Variants in GLDC observed in about 807,000 individuals in gnomAD.
GLDC encodes the protein glycine decarboxylase, also known as glycine dehydrogenase (decarboxylating), mitochondrial.
GLDC carries 104 observed loss-of-function variants against 121.3 expected under a neutral mutation model. The ratio of observed to expected loss-of-function variants is 0.86; its 90% CI spans 0.73 to 1.01. The LOEUF (loss-of-function observed/expected upper bound fraction) is 1.01. Ranked by LOEUF, GLDC falls within the 50% of genes least tolerant of loss-of-function variation. The pLI is 0.00. For missense variants in GLDC, 1,429 were observed against 1,306.6 expected (o/e 1.09, Z -1.44); for synonymous variants, 546 against 480.6 (o/e 1.14, Z -1.78).
At chr9:6,602,943 A>G (rs1337149082) in intron 7 of GLDC, among the ~76,000 whole-genome samples, 1 of 152,170 alleles carries the variant, frequency 6.6e-6, no homozygotes, top group Non-Finnish European at 1.5e-5. Context: ...CACAAATTTT[A>G]TGAGCCGCGC....
chr9:6,621,684 A>G (rs10758800), intron 2 of GLDC, among the ~76,000 whole-genome samples: 35,368 of 151,946 alleles, frequency 0.23, 4,219 homozygotes, highest in East Asian at 0.43. Flanking sequence ...CACCTGGCTA[A>G]TTTTTGTATT....
intron 21 of GLDC, among the ~76,000 whole-genome samples, chr9:6,547,546 GA>G (rs1817421427): frequency 1.3e-5 from 2 of 151,998 alleles, no homozygotes; most frequent in South Asian, 4.1e-4. Context: ...AAGTCTCTGG[GA>G]AAAAAATTGA....
At chr9:6,582,162 C>A (rs1818182080) in intron 15 of GLDC, among the ~76,000 whole-genome samples, 1 of 142,452 alleles carries the variant, frequency 7.0e-6, no homozygotes, top group East Asian at 2.1e-4. Flanking sequence ...TTGCAGTGAG[C>A]CAAGATTGCT....
Position 6,534,752 on chromosome 9 carries a change from G to C in GLDC, c.2875C>G (p.His959Asp). 1 of 1,607,866 alleles carries C rather than the reference G, an allele frequency of 6.2e-7. No individual in the cohort carries two copies. The highest frequency in any genetic ancestry group is 1.3e-5 in the African/African-American group (1 of 74,918). The part of the protein sequence containing the change: ...PHSLTCVTSS[H>D]WDRPYSREVA... ...TCTCTGGAATAAGGCCGGTCCCAGTGGGAAGATGTAACGCAGGTCAGGGAG... is the reference window on the plus strand; with the variant it reads ...TCTCTGGAATAAGGCCGGTCCCAGTCGGAAGATGTAACGCAGGTCAGGGAG... Residue 959 changes from histidine to aspartate, a missense_variant, in exon 24 of 25, where the codon CAC becomes GAC. His to Asp is a moderately conservative substitution (Grantham distance 81, BLOSUM62 -1). Coordinates refer to ENST00000321612, the MANE Select transcript of GLDC (RefSeq NM_000170.3).
intron 3 of GLDC, among the ~76,000 whole-genome samples, chr9:6,619,742 C>G (rs960903897): frequency 6.6e-5 from 10 of 151,964 alleles, no homozygotes; most frequent in African/African-American, 2.4e-4. Context: ...GGGTGGTAGG[C>G]GGGGAATCCT....
chr9:6,571,929 T>C (rs554585012), intron 15 of GLDC, among the ~76,000 whole-genome samples: 2 of 152,186 alleles, frequency 1.3e-5, no homozygotes, highest in Non-Finnish European at 2.9e-5. Context: ...TTTGACAAAG[T>C]TGCAAAAGTA....
rs1421593264 is a variant in GLDC, at chr9:6,558,553, A to G, written c.2052+6T>C. On this transcript the variant is annotated splice_donor_region_variant and intron_variant, in intron 17 of 24. Transcript: ENST00000321612. ...CTCTCCCATCTGCTAAGGAGAAGACAAGTACCATGGCCTTGAGGTGAACTG... is the reference window on the plus strand; with the variant it reads ...CTCTCCCATCTGCTAAGGAGAAGACGAGTACCATGGCCTTGAGGTGAACTG... 5 of 1,614,140 alleles carry G rather than the reference A, an allele frequency of 3.1e-6. No homozygotes were observed. Among genetic ancestry groups the G allele is most frequent in the Non-Finnish European group, 4.2e-6 (5 of 1,180,010 alleles).
chr9:6,587,351 AATAATG>A, intron 14 of GLDC, 68 bp from the exon 15 acceptor site: 1 of 1,176,176 alleles, frequency 8.5e-7, no homozygotes, highest in Admixed American at 1.7e-5. Flanking sequence ...TAACTTTAAT[AATAATG>A]ACGATGATGA....
At chr9:6,537,383 C>A (rs1415545765) in intron 22 of GLDC, among the ~76,000 whole-genome samples, 1 of 152,188 alleles carries the variant, frequency 6.6e-6, no homozygotes, top group Non-Finnish European at 1.5e-5. Context: ...AATCTTGCCC[C>A]AATGTGCAGT....
chr9:6,587,082 T>A (rs1818285877), intron 15 of GLDC, 59 bp downstream of exon 15: 1 of 1,398,250 alleles, frequency 7.2e-7, no homozygotes, highest in Admixed American at 1.7e-5. Flanking sequence ...CTTTAAGTTT[T>A]GTGGTGTATG....
rs386833526 is a variant in GLDC, at chr9:6,592,180, T to TC, written c.1444dup (p.Asp482GlyfsTer10). 5.0e-6 allele frequency: 8 copies of TC among 1,608,878 alleles called. No individual in the cohort carries two copies. Among genetic ancestry groups the TC allele is most frequent in the Non-Finnish European group, 6.8e-6 (8 of 1,175,418 alleles). ...ACAACCAAAGATCCACAACAAATCG[T>TC]CCAGATCTTTTTCATTGACTGTTTC... is the stretch of plus-strand genomic sequence containing the variant. On this transcript the variant is annotated frameshift_variant, in exon 11 of 25. Coordinates refer to ENST00000321612, the MANE Select transcript of GLDC (RefSeq NM_000170.3). LOFTEE classifies it high-confidence loss of function.
intron 3 of GLDC, among the ~76,000 whole-genome samples, chr9:6,613,512 T>C (rs968481451): frequency 1.3e-5 from 2 of 152,170 alleles, no homozygotes; most frequent in Non-Finnish European, 1.5e-5. Flanking sequence ...TTAACATTAT[T>C]CCATGAACAA....
Position 6,644,045 on chromosome 9 carries a change from A to C in GLDC, c.334+569T>G, listed in dbSNP as rs1430849803. On this transcript the variant is annotated intron_variant, in intron 2 of 24. Transcript: ENST00000321612. ...ATTCTGTCTCAAAAAAAAAAAAAAA[A>C]AAAAACGAAAAAAAAAAGAAAAGAA... Among the ~76,000 whole-genome samples, 43 of 148,720 alleles carry C rather than the reference A, an allele frequency of 2.9e-4. 1 individual carries two copies. Among genetic ancestry groups the C allele is most frequent in the Non-Finnish European group, 4.0e-4 (27 of 67,414 alleles).
intron 20 of GLDC, among the ~76,000 whole-genome samples, chr9:6,552,372 C>T (rs1301898939): frequency 2.0e-5 from 3 of 152,156 alleles, no homozygotes; most frequent in Non-Finnish European, 2.9e-5. Flanking sequence ...ATTTACAGAA[C>T]CCAGAGATCA....
intron 22 of GLDC, 125 bp downstream of exon 22, chr9:6,539,926 A>C (rs1817219733): frequency 1.3e-6 from 1 of 756,014 alleles, no homozygotes; most frequent in Admixed American, 2.0e-5. Context: ...GAGGTTGCCA[A>C]GAACCCTGAG....
In GLDC at chr9:6,600,945, T is replaced by A. The variant is rs958568464; in HGVS notation, c.1155+1164A>T. 1.8e-4 allele frequency among the ~76,000 whole-genome samples: 27 copies of A among 152,106 alleles called. 1 individual carries two copies. Among genetic ancestry groups the A allele is most frequent in the African/African-American group, 6.5e-4 (27 of 41,504 alleles). On this transcript the variant is annotated intron_variant, in intron 8 of 24. Coordinates refer to ENST00000321612, the MANE Select transcript of GLDC (RefSeq NM_000170.3). ...ATCCCAACACTTTGGGAGGCCGAGG[T>A]GGGTGGATCATGAGGTCAGGAGTTC...
At chr9:6,591,594 C>CT (rs1818375548) in intron 11 of GLDC, among the ~76,000 whole-genome samples, 1 of 151,878 alleles carries the variant, frequency 6.6e-6, no homozygotes, top group Admixed American at 6.6e-5. Flanking sequence ...TTTCTTTTTT[C>CT]TTTTTTTGAG....
At chr9:6,602,258 A>G (rs1818630410) in intron 7 of GLDC, 53 bp from the exon 8 acceptor site, 1 of 1,044,416 alleles carries the variant, frequency 9.6e-7, no homozygotes. Context: ...GCACTGGGAG[A>G]TGCTATAAAT....
intron 15 of GLDC, among the ~76,000 whole-genome samples, chr9:6,575,378 A>G (rs1383873728): frequency 6.6e-6 from 1 of 152,156 alleles, no homozygotes; most frequent in Non-Finnish European, 1.5e-5. Context: ...TGGTAAACCT[A>G]GTGGTTTTCA....
Sources: allele counts gnomAD v4.1 joint callset (sites outside exome capture counted in the v4.1 genomes callset), GRCh38; gene constraint gnomAD v4.1.1; transcripts MANE v1.5; gene names NCBI Gene and HGNC (gene_info 2026-07-23, HGNC 2026-07-21).